ZNF254: variants seen among roughly 807,000 people sequenced by gnomAD.
The protein encoded by ZNF254 is zinc finger protein 254, also known as CTD-2017D11.1.
In ZNF254, 10 loss-of-function variants were observed where a neutral mutation model predicts 12.4. That is an observed-to-expected ratio of 0.80 (90% CI 0.50 to 1.36). The LOEUF is 1.36. Ranked by LOEUF, ZNF254 falls within the 40% of genes most tolerant of loss-of-function variation. The probability of loss-of-function intolerance (pLI) is 0.00; values close to 1 mark genes in which losing one functional copy is unlikely to be tolerated. For missense variants in ZNF254, 996 were observed against 763.9 expected (o/e 1.30, Z -3.58); for synonymous variants, 305 against 253.4 (o/e 1.20, Z -1.93).
upstream of ZNF254, among the ~76,000 whole-genome samples, chr19:24,085,427 A>ATATATATATATATATATATATATATGT (rs1369362234): frequency 0.066 from 2,796 of 42,126 alleles, 295 homozygotes; most frequent in Non-Finnish European, 0.11. Context: ...TATATATATA[A>ATATATATATATATATATATATATATGT]AAACTAAGAT....
At chr19:24,040,194 A>C (rs1389075715) in intron 1 of ZNF254, among the ~76,000 whole-genome samples, 3 of 152,188 alleles carry the variant, frequency 2.0e-5, no homozygotes, top group African/African-American at 4.8e-5. Flanking sequence ...AGAACTAATT[A>C]GAACTAATTA....
Position 24,126,617 on chromosome 19 carries a change from G to C in ZNF254, c.617G>C (p.Arg206Thr), listed in dbSNP as rs1243882025. ...ACCCAACACAAAAGCATTTATCATA[G>C]AGAGAAGTCCTACAAATGTAAAGAA... is the stretch of plus-strand genomic sequence containing the variant. ...HKTQHKSIYH[R>T]EKSYKCKECG... Residue 206 changes from arginine to threonine, a missense_variant, in exon 4 of 4, where the codon AGA (arginine) becomes ACA (threonine). By Grantham distance (71) the Arg-to-Thr change is moderately conservative. Coordinates refer to ENST00000357002, the MANE Select transcript of ZNF254 (RefSeq NM_203282.4). 2.5e-6 allele frequency: 4 copies of C among 1,607,544 alleles called. No homozygotes were observed. Among genetic ancestry groups the C allele is most frequent in the Non-Finnish European group, 3.4e-6 (4 of 1,178,212 alleles).
intron 3 of ZNF254, among the ~76,000 whole-genome samples, chr19:24,109,362 A>G (rs529000886): frequency 6.6e-6 from 1 of 152,252 alleles, no homozygotes; most frequent in African/African-American, 2.4e-5. Context: ...TATCTAGACA[A>G]ATTGTTTGTT....
chr19:24,055,873 A>G (rs1970833931), intron 2 of ZNF254, among the ~76,000 whole-genome samples: 1 of 152,192 alleles, frequency 6.6e-6, no homozygotes, highest in African/African-American at 2.4e-5. Context: ...TAGACACAAC[A>G]TATAGGAAGG....
At chr19:24,074,370 G>C (rs1294451595) in intron 2 of ZNF254, among the ~76,000 whole-genome samples, 1 of 152,166 alleles carries the variant, frequency 6.6e-6, no homozygotes, top group Non-Finnish European at 1.5e-5. Context: ...AAGGTGATGT[G>C]AGCCTTCTGT....
intron 1 of ZNF254, among the ~76,000 whole-genome samples, chr19:24,099,707 C>G (rs944254243): frequency 2.6e-5 from 4 of 152,138 alleles, no homozygotes; most frequent in African/African-American, 9.7e-5. Context: ...TTAGGATGAA[C>G]TATGGCATGG....
intron 1 of ZNF254, among the ~76,000 whole-genome samples, chr19:24,041,440 G>A (rs1336272115): frequency 6.6e-6 from 1 of 152,222 alleles, no homozygotes; most frequent in African/African-American, 2.4e-5. Flanking sequence ...CCCGGGCAAT[G>A]GGGGACTTAG....
chr19:24,054,117 G>C (rs1054359513), intron 2 of ZNF254, among the ~76,000 whole-genome samples: 1 of 152,160 alleles, frequency 6.6e-6, no homozygotes, highest in Non-Finnish European at 1.5e-5. Context: ...TGCCCCCAGG[G>C]AGCATTGTGA....
At chr19:24,105,754 T>C in intron 1 of ZNF254, 186 bp from the exon 2 acceptor site, 1 of 966,068 alleles carries the variant, frequency 1.0e-6, no homozygotes, top group Non-Finnish European at 1.4e-6. Flanking sequence ...ATTTTGCCAC[T>C]CTATTTTCTC....
At chr19:24,111,403 C>A (rs1269518644) in intron 3 of ZNF254, among the ~76,000 whole-genome samples, 3 of 152,134 alleles carry the variant, frequency 2.0e-5, no homozygotes, top group African/African-American at 7.2e-5. Context: ...AATACTGCCA[C>A]AATAAACATA....
At chr19:24,121,139 A>G (rs573440310) in intron 3 of ZNF254, among the ~76,000 whole-genome samples, 2 of 152,202 alleles carry the variant, frequency 1.3e-5, no homozygotes, top group Admixed American at 6.5e-5. Flanking sequence ...AAAGGGAAAT[A>G]AATTTAAATC....
In ZNF254 at chr19:24,128,694, TCAATC is replaced by T. The variant is rs917508874; in HGVS notation, c.*718_*722del. On this transcript the variant is annotated 3_prime_UTR_variant, in exon 4 of 4. Transcript: ENST00000357002. Reference sequence around the variant, plus strand: ...CAGATACATTAAATATGAAAGATATTCAATCCAAAATTAAGTCTATGTAAATATCA... The same window carrying T: ...CAGATACATTAAATATGAAAGATATTCAAAATTAAGTCTATGTAAATATCA... 1 of 152,054 alleles carries T rather than the reference TCAATC, an allele frequency of 6.6e-6. No homozygotes were observed. Among genetic ancestry groups the T allele is most frequent in the Non-Finnish European group, 1.5e-5 (1 of 67,924 alleles). 9.4% of individuals were successfully genotyped at this position (152,054 alleles called of 1,614,324 possible). A position where few individuals can be genotyped will look rare whatever the true frequency, so the allele number is the denominator to read the frequency against.
At chr19:24,091,797 A>G (rs1246315425) in intron 1 of ZNF254, 3 of 970,060 alleles carry the variant, frequency 3.1e-6, no homozygotes, top group African/African-American at 1.8e-5. Flanking sequence ...CCAGCCCTAT[A>G]TCCTGTTATT....
chr19:24,103,167 T>C (rs1193561981), intron 1 of ZNF254, among the ~76,000 whole-genome samples: 1 of 152,220 alleles, frequency 6.6e-6, no homozygotes, highest in Admixed American at 6.5e-5. Context: ...GAAAATAATA[T>C]GATACTTTAA....
At chr19:24,101,016 A>C (rs1263347769) in intron 1 of ZNF254, among the ~76,000 whole-genome samples, 1 of 151,924 alleles carries the variant, frequency 6.6e-6, no homozygotes, top group Non-Finnish European at 1.5e-5. Context: ...TAGTAGAGAT[A>C]GGGTTTCTTC....
chr19:24,052,980 A>G (rs1366039210), intron 2 of ZNF254, among the ~76,000 whole-genome samples: 1 of 152,202 alleles, frequency 6.6e-6, no homozygotes, highest in African/African-American at 2.4e-5. Context: ...CAAGAGGTAC[A>G]GGGAATGTCC....
At chr19:24,037,667 T>C (rs1323363275) in intron 1 of ZNF254, among the ~76,000 whole-genome samples, 1 of 152,180 alleles carries the variant, frequency 6.6e-6, no homozygotes, top group African/African-American at 2.4e-5. Context: ...TGAAGTGCAG[T>C]GGTGTGATCT....
intron 2 of ZNF254, among the ~76,000 whole-genome samples, chr19:24,054,630 T>G (rs1970772815): frequency 6.6e-6 from 1 of 152,194 alleles, no homozygotes; most frequent in Non-Finnish European, 1.5e-5. Context: ...AGCCTATGGC[T>G]GAAGTCTTGA....
chr19:24,068,229 G>A (rs899279323), intron 2 of ZNF254, among the ~76,000 whole-genome samples: 6 of 151,650 alleles, frequency 4.0e-5, no homozygotes, highest in African/African-American at 9.7e-5. Context: ...TCAGGGTGTT[G>A]CTCACAGAGA....
Sources: allele counts gnomAD v4.1 joint callset (sites outside exome capture counted in the v4.1 genomes callset), GRCh38; gene constraint gnomAD v4.1.1; transcripts MANE v1.5; gene names NCBI Gene and HGNC (gene_info 2026-07-23, HGNC 2026-07-21).